The following MINK1 variants were observed in gnomAD, a reference collection of about 807,000 sequenced individuals.
MINK1 encodes misshapen like kinase 1.
In MINK1, 46 loss-of-function variants were observed where a neutral mutation model predicts 178.4. That is an observed-to-expected ratio of 0.26 (90% CI 0.20 to 0.33). The LOEUF (loss-of-function observed/expected upper bound fraction) is 0.33. Ranked by LOEUF, MINK1 falls within the 10% of genes least tolerant of loss-of-function variation. MINK1 has a pLI of 1.00. For missense variants in MINK1, 1,366 were observed against 1,814.9 expected (o/e 0.75, Z 4.49); for synonymous variants, 797 against 709.7 (o/e 1.12, Z -1.96).
chr17:4,850,525 C>CT (rs549352310), intron 1 of MINK1, among the ~76,000 whole-genome samples: 2 of 150,694 alleles, frequency 1.3e-5, no homozygotes, highest in Admixed American at 1.3e-4. Flanking sequence ...GCTGGCCCCC[C>CT]CCGCCCTCTA....
chr17:4,894,449 C>A lies in MINK1; in HGVS notation c.2809-76C>A. On this transcript the variant is annotated intron_variant, in intron 23 of 31. Coordinates refer to ENST00000355280, the MANE Select transcript of MINK1 (RefSeq NM_153827.5). This position sits in a 1 kb window ranked among gnomAD's most constrained non-coding sequence, Gnocchi z 4.1. Reference sequence around the variant, plus strand: ...GGGGGTGCCAGTTGGGGAGCTGGAGCCTGGGGAACAGCAGCAGGGGCAGGG... The same window carrying A: ...GGGGGTGCCAGTTGGGGAGCTGGAGACTGGGGAACAGCAGCAGGGGCAGGG... The A allele has an allele frequency of 6.6e-7, 1 of 1,518,350 alleles. No individual in the cohort carries two copies. Among genetic ancestry groups the A allele is most frequent in the Non-Finnish European group, 9.0e-7 (1 of 1,117,228 alleles). The allele number at this position is 1,518,350 out of a possible 1,614,324, so 94.1% of individuals were successfully genotyped here.
In MINK1 at chr17:4,896,534, G is replaced by C. The variant is rs753892115; in HGVS notation, c.3721G>C (p.Gly1241Arg). Reference sequence around the variant, plus strand: ...CGAGGGTGTCTACGTCAACACGTACGGGCGCATCATTAAGGATGTGGTGCT... The same window carrying C: ...CGAGGGTGTCTACGTCAACACGTACCGGCGCATCATTAAGGATGTGGTGCT... ...EDEGVYVNTY[G>R]RIIKDVVLQW... Residue 1241 changes from glycine to arginine, a missense_variant, in exon 30 of 32, where the codon GGG becomes CGG. Transcript: ENST00000355280. The surrounding 1 kb of genome is among the most constrained non-coding windows in gnomAD (Gnocchi z 4.6). 6.2e-7 allele frequency: 1 copy of C among 1,613,818 alleles called. No individual in the cohort carries two copies. The highest frequency in any genetic ancestry group is 8.5e-7 in the Non-Finnish European group (1 of 1,179,868).
intron 4 of MINK1, chr17:4,883,104 G>GAGTA (rs1437885565): frequency 6.7e-6 from 1 of 148,186 alleles, no homozygotes; most frequent in Non-Finnish European, 1.5e-5. Context: ...CTGGGCGACA[G>GAGTA]AGTAAGACCC....
In MINK1 at chr17:4,897,091, T is replaced by G. The variant is rs891450290; in HGVS notation, c.3916-113T>G. ...GGGCACTGTGAGTCTCCTCCTGCAG[T>G]CTCTGTGTCTCCCTCAACTCTTCTG... is the stretch of plus-strand genomic sequence containing the variant. On this transcript the variant is annotated intron_variant, in intron 31 of 31. Transcript: ENST00000355280. 4 of 960,620 alleles carry G rather than the reference T, an allele frequency of 4.2e-6. No individual in the cohort carries two copies. In the African/African-American group the frequency reaches 4.9e-5, roughly 12 times the overall value. The allele number at this position is 960,620 out of a possible 1,614,324, so 59.5% of individuals were successfully genotyped here.
rs1483555298 is a variant in MINK1 at position 4,886,121 on chromosome 17, T to C, written c.696T>C (p.Pro232=). 20 of 1,613,926 alleles carry C rather than the reference T, an allele frequency of 1.2e-5. No individual in the cohort carries two copies. The highest frequency in any genetic ancestry group is 1.6e-5 in the Non-Finnish European group (19 of 1,179,850). ...TGAGGGTGTCTCCTCTGTGTCCAGC[T>C]CTGTGTGACATGCACCCCATGCGAG... ...TAIEMAEGAP[P]LCDMHPMRAL... Residue 232 remains proline (P), a splice_region_variant and synonymous_variant, in exon 9 of 32, where the codon CCT becomes CCC. Coordinates refer to ENST00000355280, the MANE Select transcript of MINK1 (RefSeq NM_153827.5). The surrounding 1 kb of genome is among the most constrained non-coding windows in gnomAD (Gnocchi z 6.1).
chr17:4,881,260 G>A lies in MINK1; in HGVS notation c.306+3G>A. 9.8e-6 allele frequency: 15 copies of A among 1,536,976 alleles called. No homozygotes were observed. The highest frequency in any genetic ancestry group is 1.3e-5 in the Non-Finnish European group (15 of 1,146,806). On this transcript the variant is annotated splice_donor_region_variant and intron_variant, in intron 4 of 31. Coordinates refer to ENST00000355280, the MANE Select transcript of MINK1 (RefSeq NM_153827.5). Reference sequence around the variant, plus strand: ...CGGGAAACGATGACCAGCTCTGGGTGAGAAACGCCCCCCTGCCCGCCTTCC... The same window carrying A: ...CGGGAAACGATGACCAGCTCTGGGTAAGAAACGCCCCCCTGCCCGCCTTCC...
At chr17:4,880,273 A>C (rs1235322829) in intron 2 of MINK1, among the ~76,000 whole-genome samples, 2 of 151,114 alleles carry the variant, frequency 1.3e-5, no homozygotes, top group African/African-American at 4.9e-5. Flanking sequence ...TGTAGCCACA[A>C]TGAGGGGTAC....
chr17:4,890,325 C>T (rs918400312), intron 13 of MINK1, 192 bp from the exon 14 acceptor site: 16 of 1,421,722 alleles, frequency 1.1e-5, no homozygotes, highest in South Asian at 4.6e-5. Context: ...GGTCCCTCAG[C>T]GTCCTCTGGG....
At chr17:4,862,569 G>A (rs9913346) in intron 1 of MINK1, among the ~76,000 whole-genome samples, 10,662 of 151,892 alleles carry the variant, frequency 0.07, 523 homozygotes, top group East Asian at 0.26. Context: ...CAGGAGAACT[G>A]CTTGAATCCA....
Position 4,896,116 on chromosome 17 carries a change from T to G in MINK1, c.3465+13T>G. The stretch of plus-strand genomic sequence containing the variant: ...CATGGCCTTCAAGGTAATCCCAGCC[T>G]CGGTCCCTAACACCATCTGGAGTCC... On this transcript the variant is annotated intron_variant, in intron 28 of 31. Transcript: ENST00000355280. The surrounding 1 kb of genome is among the most constrained non-coding windows in gnomAD (Gnocchi z 4.6). The G allele has an allele frequency of 6.2e-7, 1 of 1,606,138 alleles. No homozygotes were observed. Among genetic ancestry groups the G allele is most frequent in the Non-Finnish European group, 8.5e-7 (1 of 1,176,284 alleles).
chr17:4,834,276 A>G (rs891997162), intron 1 of MINK1, among the ~76,000 whole-genome samples: 2 of 152,146 alleles, frequency 1.3e-5, no homozygotes, highest in Admixed American at 6.5e-5. Flanking sequence ...GGGTCCCTGA[A>G]TATTACATGA....
intron 1 of MINK1, chr17:4,871,033 G>A (rs1431035952): frequency 2.4e-5 from 8 of 334,204 alleles, no homozygotes; most frequent in Non-Finnish European, 5.0e-5. Flanking sequence ...CTTTAGACTT[G>A]CCTATTCTGG....
At position 4,895,576 on chromosome 17, in the gene MINK1, C is replaced by G; in HGVS notation, c.3229+83C>G. 1 of 1,547,144 alleles carries G rather than the reference C, an allele frequency of 6.5e-7. No individual in the cohort carries two copies. The highest frequency in any genetic ancestry group is 8.7e-7 in the Non-Finnish European group (1 of 1,143,304). On this transcript the variant is annotated intron_variant, in intron 26 of 31. Coordinates refer to ENST00000355280, the MANE Select transcript of MINK1 (RefSeq NM_153827.5). The surrounding 1 kb of genome is among the most constrained non-coding windows in gnomAD (Gnocchi z 4.3). The stretch of plus-strand genomic sequence containing the variant: ...ATCTTCTGCCTGGGAGGAGGGCAGG[C>G]ACTGGAAGGTGGGGCCACACTTTCT...
At chr17:4,874,620 GGGAGGA>G (rs1393059834) in intron 1 of MINK1, among the ~76,000 whole-genome samples, 1 of 152,084 alleles carries the variant, frequency 6.6e-6, no homozygotes, top group Admixed American at 6.6e-5. Flanking sequence ...ATACAGGAAA[GGGAGGA>G]GGAGGAGGAG....
At chr17:4,849,170 A>G (rs554340862) in intron 1 of MINK1, among the ~76,000 whole-genome samples, 17 of 151,880 alleles carry the variant, frequency 1.1e-4, no homozygotes, top group African/African-American at 3.1e-4. Flanking sequence ...TTCCAGCGTC[A>G]CTGCAAGGAA....
chr17:4,897,525 C>T lies in MINK1; in HGVS notation c.*238C>T. The stretch of plus-strand genomic sequence containing the variant: ...TGTCCCCAGCTTCTGGGGAGGGACA[C>T]AGCTTCCCCTTCCCAGGAATTGAGT... On this transcript the variant is annotated 3_prime_UTR_variant, in exon 32 of 32. Transcript: ENST00000355280. The T allele has an allele frequency of 3.9e-6, 2 of 514,438 alleles. No homozygotes were observed. The highest frequency in any genetic ancestry group is 7.0e-6 in the Non-Finnish European group (2 of 287,746). 31.9% of individuals were successfully genotyped at this position (514,438 alleles called of 1,614,324 possible). A position where few individuals can be genotyped will look rare whatever the true frequency, so the allele number is the denominator to read the frequency against.
chr17:4,894,157 T>C lies in MINK1; in HGVS notation c.2671-17T>C. 6.2e-7 allele frequency: 1 copy of C among 1,613,204 alleles called. No homozygotes were observed. The highest frequency in any genetic ancestry group is 8.5e-7 in the Non-Finnish European group (1 of 1,179,546). ...GCCCTCCTCAGCCCCACGCCAACCC[T>C]GCCCTCTGTCCTGTAGACCCCTGAA... On this transcript the variant is annotated splice_polypyrimidine_tract_variant and intron_variant, in intron 22 of 31. Transcript: ENST00000355280. The surrounding 1 kb of genome is among the most constrained non-coding windows in gnomAD (Gnocchi z 4.1).
At chr17:4,867,136 CTGTT>C (rs1353923230) in intron 1 of MINK1, among the ~76,000 whole-genome samples, 2 of 69,968 alleles carry the variant, frequency 2.9e-5, no homozygotes, top group African/African-American at 1.2e-4. Context: ...GCTCTTAGGA[CTGTT>C]TTTTTTTTTT....
intron 1 of MINK1, among the ~76,000 whole-genome samples, chr17:4,849,192 A>G (rs1273863811): frequency 1.3e-5 from 2 of 152,156 alleles, no homozygotes; most frequent in East Asian, 1.9e-4. Flanking sequence ...AGTAACTTCA[A>G]AATCTTCTAT....
Sources: gnomAD v4.1 joint callset for allele counts (sites outside exome capture counted in the v4.1 genomes callset) on GRCh38, gnomAD v4.1.1 for gene constraint, Gnocchi (gnomAD v3.1) non-coding constraint, MANE v1.5 for transcripts, NCBI Gene and HGNC (gene_info 2026-07-23, HGNC 2026-07-21) for gene names.